PPP1R3C: variants seen among roughly 807,000 people sequenced by gnomAD.
PPP1R3C encodes the protein PP1 subunit R5.
Under a neutral mutation model 29.3 loss-of-function variants are expected in PPP1R3C, and 20 were observed. The ratio of observed to expected loss-of-function variants is 0.68; its 90% CI spans 0.48 to 0.99. PPP1R3C has a LOEUF of 0.99. Ranked by LOEUF, PPP1R3C falls within the 50% of genes least tolerant of loss-of-function variation. The pLI, the probability that PPP1R3C is intolerant of heterozygous loss-of-function variation, is 0.00. For missense variants in PPP1R3C, 321 were observed against 386.0 expected, an observed-to-expected ratio of 0.83 and a Z score of 1.41; for synonymous variants, 123 against 143.1, an observed-to-expected ratio of 0.86 and a Z score of 1.00.
At position 91,630,832 on chromosome 10, in the gene PPP1R3C, T is replaced by C. The variant is rs754750252; in HGVS notation, c.49A>G (p.Ser17Gly). The change falls in exon 2 of 2, where the codon AGT becomes GGT. Residue 17 changes from serine to glycine, a missense_variant. Physicochemically the swap from Ser to Gly is moderately conservative, Grantham distance 56. Transcript: ENST00000238994. This position sits in a 1 kb window ranked among gnomAD's most constrained non-coding sequence, Gnocchi z 4.4. ...GCCACATCCACGGGCATGACCGAACTTGTCAAAGGACGTGGATCTAAAACC... is the reference window on the plus strand; with the variant it reads ...GCCACATCCACGGGCATGACCGAACCTGTCAAAGGACGTGGATCTAAAACC... The part of the protein sequence containing the change: ...IQVLDPRPLT[S>G]SVMPVDVAMR... 6.2e-7 allele frequency: 1 copy of C among 1,613,546 alleles called. No individual in the cohort carries two copies. Among genetic ancestry groups the C allele is most frequent in the African/African-American group, 1.3e-5 (1 of 74,938 alleles).
intron 1 of PPP1R3C, among the ~76,000 whole-genome samples, chr10:91,632,652 G>C (rs756642102): frequency 5.3e-5 from 8 of 152,058 alleles, no homozygotes; most frequent in Non-Finnish European, 8.8e-5. Context: ...CGAGTCTTTG[G>C]GACATTTGTG....
chr10:91,631,599 CACTTTGAT>C (rs920492117), intron 1 of PPP1R3C, among the ~76,000 whole-genome samples: 1 of 151,886 alleles, frequency 6.6e-6, no homozygotes, highest in Admixed American at 6.6e-5. Flanking sequence ...ATCATCTTTG[CACTTTGAT>C]TATCATGCTC....
intron 1 of PPP1R3C, among the ~76,000 whole-genome samples, chr10:91,631,143 T>C (rs1168523581): frequency 1.3e-5 from 2 of 152,196 alleles, no homozygotes; most frequent in Non-Finnish European, 2.9e-5. Flanking sequence ...AGGGTTCGAT[T>C]TGATTATCTC....
rs1331857867 is a variant in PPP1R3C at position 91,630,044 on chromosome 10, C to G, written c.837G>C (p.Gln279His). The G allele has an allele frequency of 6.2e-7, 1 of 1,614,240 alleles. No homozygotes were observed. Among genetic ancestry groups the G allele is most frequent in the Non-Finnish European group, 8.5e-7 (1 of 1,180,048 alleles). ...QMAPQDCAFH[Q>H]TSPKTELEST... ...ACTCTAACTCTGTCTTAGGAGACGT[C>G]TGGTGGAATGCACAGTCCTGGGGTG... Residue 279 changes from glutamine to histidine, a missense_variant, in exon 2 of 2, where the codon CAG becomes CAC. Coordinates refer to ENST00000238994, the MANE Select transcript of PPP1R3C (RefSeq NM_005398.7). The surrounding 1 kb of genome is among the most constrained non-coding windows in gnomAD (Gnocchi z 4.4).
intron 1 of PPP1R3C, among the ~76,000 whole-genome samples, chr10:91,632,719 TTAAGA>T (rs1229153925): frequency 2.6e-5 from 4 of 152,126 alleles, no homozygotes; most frequent in African/African-American, 9.7e-5. Context: ...CTGATTCACG[TTAAGA>T]TAATTTCTGC....
intron 1 of PPP1R3C, among the ~76,000 whole-genome samples, chr10:91,631,823 C>T (rs1054666232): frequency 6.6e-6 from 1 of 152,012 alleles, no homozygotes; most frequent in African/African-American, 2.4e-5. Context: ...AGGAAATACA[C>T]CTTTCCTAAT....
Position 91,630,391 on chromosome 10 carries a change from A to G in PPP1R3C, c.490T>C (p.Leu164=), listed in dbSNP as rs754496603. The G allele has an allele frequency of 1.9e-6, 3 of 1,614,224 alleles. No homozygotes were observed. Among genetic ancestry groups the G allele is most frequent in the Non-Finnish European group, 2.5e-6 (3 of 1,180,046 alleles). Residue 164 remains leucine, a synonymous_variant, in exon 2 of 2, where the codon TTG becomes CTG. Transcript: ENST00000238994. This position sits in a 1 kb window ranked among gnomAD's most constrained non-coding sequence, Gnocchi z 4.4. ...KNFVCLENCS[L]QERTVTGTVK... ...GTCCCTGTCACTGTTCGCTCTTGCA[A>G]CGAGCAGTTCTCCAGACAGACAAAG... is the stretch of plus-strand genomic sequence containing the variant.
chr10:91,630,563 T>C lies in PPP1R3C; in HGVS notation c.318A>G (p.Glu106=). The change falls in exon 2 of 2, where the codon GAA becomes GAG. Residue 106 remains glutamate, a synonymous_variant. Coordinates refer to ENST00000238994, the MANE Select transcript of PPP1R3C (RefSeq NM_005398.7). This position sits in a 1 kb window ranked among gnomAD's most constrained non-coding sequence, Gnocchi z 4.4. Reference sequence around the variant, plus strand: ...CAAACTGCAGATCCCACGCTGGTTCTTCTGGGAGGTCGGAGAAGACATGGA... The same window carrying C: ...CAAACTGCAGATCCCACGCTGGTTCCTCTGGGAGGTCGGAGAAGACATGGA... ...TAIHVFSDLP[E]EPAWDLQFDL... is the part of the protein sequence containing the mutation. 2.5e-6 allele frequency: 4 copies of C among 1,614,044 alleles called. No individual in the cohort carries two copies. Among genetic ancestry groups the C allele is most frequent in the Non-Finnish European group, 3.4e-6 (4 of 1,179,906 alleles).
At chr10:91,631,553 T>C (rs1848718762) in intron 1 of PPP1R3C, among the ~76,000 whole-genome samples, 1 of 151,932 alleles carries the variant, frequency 6.6e-6, no homozygotes, top group Non-Finnish European at 1.5e-5. Context: ...CATGCAACAG[T>C]TTTGAGAGTG....
Position 91,630,066 on chromosome 10 carries a change from G to C in PPP1R3C, c.815C>G (p.Pro272Arg), listed in dbSNP as rs900318787. The C allele has an allele frequency of 6.2e-6, 10 of 1,613,998 alleles. No homozygotes were observed. The Admixed American group carries it at 1.3e-4, about 22-fold the overall frequency. Residue 272 changes from proline to arginine, a missense_variant, in exon 2 of 2, where the codon CCC (proline) becomes CGC (arginine). Coordinates refer to ENST00000238994, the MANE Select transcript of PPP1R3C (RefSeq NM_005398.7). This position sits in a 1 kb window ranked among gnomAD's most constrained non-coding sequence, Gnocchi z 4.4. ...KPDGVQTQMA[P>R]QDCAFHQTSP... ...CGTCTGGTGGAATGCACAGTCCTGG[G>C]GTGCCATCTGTGTCTGCACCCCATC...
rs764959142 is a variant in PPP1R3C, at chr10:91,630,595, T to C, written c.286A>G (p.Thr96Ala). The C allele has an allele frequency of 1.3e-5, 21 of 1,613,218 alleles. No individual in the cohort carries two copies. The East Asian group carries it at 4.7e-4, about 36-fold the overall frequency. The change falls in exon 2 of 2, where the codon ACT becomes GCT. Residue 96 changes from threonine (T) to alanine (A), a missense_variant. Thr to Ala is a moderately conservative substitution (Grantham distance 58, BLOSUM62 0). Coordinates refer to ENST00000238994, the MANE Select transcript of PPP1R3C (RefSeq NM_005398.7). The surrounding 1 kb of genome is among the most constrained non-coding windows in gnomAD (Gnocchi z 4.4). ...AGGTCGGAGAAGACATGGATCGCAG[T>C]GAGAGAGAGGCCCTTGGAGTCAGCA... ...VFADSKGLSL[T>A]AIHVFSDLPE...
rs777737907 is a variant in PPP1R3C at position 91,629,708 on chromosome 10, A to T, written c.*219T>A. ...TATTACCTTTATAAAAATAGTTTTCAACCTGTTACTTGATCCTTCAAAGCC... is the reference window on the plus strand; with the variant it reads ...TATTACCTTTATAAAAATAGTTTTCTACCTGTTACTTGATCCTTCAAAGCC... On this transcript the variant is annotated 3_prime_UTR_variant, in exon 2 of 2. Coordinates refer to ENST00000238994, the MANE Select transcript of PPP1R3C (RefSeq NM_005398.7). 6 of 589,776 alleles carry T rather than the reference A, an allele frequency of 1.0e-5. No homozygotes were observed. The highest frequency in any genetic ancestry group is 1.8e-5 in the Non-Finnish European group (6 of 333,596). The allele number at this position is 589,776 out of a possible 1,614,324, so 36.5% of individuals were successfully genotyped here.
In PPP1R3C at chr10:91,629,240, A is replaced by C. The variant is rs1848686876; in HGVS notation, c.*687T>G. On this transcript the variant is annotated 3_prime_UTR_variant, in exon 2 of 2. Coordinates refer to ENST00000238994, the MANE Select transcript of PPP1R3C (RefSeq NM_005398.7). ...AAGTCACTTATAACATCAGGACTAC[A>C]AAGCCAGATTTGCTTAAACTTTCCC... The C allele has an allele frequency of 6.6e-6, 1 of 152,596 alleles. No homozygotes were observed. Among genetic ancestry groups the C allele is most frequent in the African/African-American group, 2.4e-5 (1 of 41,472 alleles). 9.5% of individuals were successfully genotyped at this position (152,596 alleles called of 1,614,324 possible).
chr10:91,631,004 T>C (rs1353580827), intron 1 of PPP1R3C, 138 bp from the exon 2 acceptor site: 3 of 778,500 alleles, frequency 3.9e-6, no homozygotes, highest in African/African-American at 1.7e-5. Context: ...TCATATGTAG[T>C]AAAAGAGAAC....
At chr10:91,632,542 A>G (rs1848727990) in intron 1 of PPP1R3C, among the ~76,000 whole-genome samples, 1 of 152,144 alleles carries the variant, frequency 6.6e-6, no homozygotes, top group Non-Finnish European at 1.5e-5. Flanking sequence ...CTGTGATAAG[A>G]AGGACGAATG....
In PPP1R3C at chr10:91,628,604, T is replaced by C. The variant is rs1202863533; in HGVS notation, c.*1323A>G. The C allele has an allele frequency of 6.6e-6, 1 of 152,188 alleles. No individual in the cohort carries two copies. Among genetic ancestry groups the C allele is most frequent in the Non-Finnish European group, 1.5e-5 (1 of 68,022 alleles). 9.4% of individuals were successfully genotyped at this position (152,188 alleles called of 1,614,324 possible). A position where few individuals can be genotyped will look rare whatever the true frequency, so the allele number is the denominator to read the frequency against. On this transcript the variant is annotated 3_prime_UTR_variant, in exon 2 of 2. Transcript: ENST00000238994. ...TTTCCACCATGGCACATCACACATG[T>C]TAAAATTAACTGCATTCTTGTAACA...
rs1468771976 is a variant in PPP1R3C at position 91,630,577 on chromosome 10, A to G, written c.304T>C (p.Ser102Pro). The G allele has an allele frequency of 6.2e-7, 1 of 1,613,802 alleles. No individual in the cohort carries two copies. Among genetic ancestry groups the G allele is most frequent in the African/African-American group, 1.3e-5 (1 of 74,910 alleles). Residue 102 changes from serine (S) to proline (P), a missense_variant, in exon 2 of 2, where the codon TCC becomes CCC. Transcript: ENST00000238994. The surrounding 1 kb of genome is among the most constrained non-coding windows in gnomAD (Gnocchi z 4.4). ...CACGCTGGTTCTTCTGGGAGGTCGG[A>G]GAAGACATGGATCGCAGTGAGAGAG... ...GLSLTAIHVF[S>P]DLPEEPAWDL...
chr10:91,633,006 C>T lies in PPP1R3C; in HGVS notation c.-37G>A, dbSNP rs762954038. 4.4e-6 allele frequency: 7 copies of T among 1,607,780 alleles called. No homozygotes were observed. In the East Asian group the frequency reaches 1.6e-4, roughly 36 times the overall value. On this transcript the variant is annotated 5_prime_UTR_variant, in exon 1 of 2. Coordinates refer to ENST00000238994, the MANE Select transcript of PPP1R3C (RefSeq NM_005398.7). The stretch of plus-strand genomic sequence containing the variant: ...GCGGCGGACCCTAAAAGCCAGCACC[C>T]GCTGCCTGCACAAATTCGAACCACA...
At chr10:91,632,908 C>G (rs756166789) in intron 1 of PPP1R3C, 48 bp downstream of exon 1, 1 of 1,596,572 alleles carries the variant, frequency 6.3e-7, no homozygotes, top group Admixed American at 1.7e-5. Context: ...TTCCCCACAG[C>G]TGCGCGTTCC....
Sources: allele counts gnomAD v4.1 joint callset (sites outside exome capture counted in the v4.1 genomes callset), GRCh38; gene constraint gnomAD v4.1.1; non-coding constraint Gnocchi (gnomAD v3.1); transcripts MANE v1.5; gene names NCBI Gene and HGNC (gene_info 2026-07-23, HGNC 2026-07-21).